PIN4: variants seen among roughly 807,000 people sequenced by gnomAD.
PIN4 encodes the protein peptidylprolyl cis/trans isomerase, NIMA-interacting 4.
Under a neutral mutation model 8.3 loss-of-function variants are expected in PIN4, and 3 were observed. That is an observed-to-expected ratio of 0.36 (90% CI 0.16 to 0.93). PIN4 has a LOEUF of 0.93. Among genes scored for constraint, PIN4 ranks in the 40% least tolerant of loss-of-function variants. The pLI, the probability that PIN4 is intolerant of heterozygous loss-of-function variation, is 0.44. For missense variants in PIN4, 75 were observed against 100.6 expected, an observed-to-expected ratio of 0.75 and a Z score of 1.09; for synonymous variants, 18 against 32.5, an observed-to-expected ratio of 0.55 and a Z score of 1.52.
At position 72,210,063 on chromosome X, in the gene PIN4, G is replaced by C. The variant is rs757025519; in HGVS notation, c.312+13159G>C. 1.0e-4 allele frequency among the ~76,000 whole-genome samples: 11 copies of C among 108,868 alleles called. No individual in the cohort carries two copies. In the East Asian group the frequency reaches 2.3e-3, roughly 23 times the overall value. 94.5% of individuals were successfully genotyped at this position (108,868 alleles called of 115,157 possible). Reference sequence around the variant, plus strand: ...GATGCCGAACACACAAGCAACCAGAGGGGGGGAAGAGATATACAGGGCCGG... The same window carrying C: ...GATGCCGAACACACAAGCAACCAGACGGGGGGAAGAGATATACAGGGCCGG... On this transcript the variant is annotated intron_variant, in intron 3 of 3. Transcript: ENST00000423432.
chrX:72,201,577 C>G (rs944367202), downstream of PIN4, among the ~76,000 whole-genome samples: 12 of 112,185 alleles, frequency 1.1e-4, no homozygotes, highest in Admixed American at 1.1e-3. Flanking sequence ...CCACTGCACT[C>G]CCACCTGGGT....
intron 3 of PIN4, chrX:72,204,776 A>G (rs1350144989): frequency 1.2e-5 from 3 of 242,296 alleles, no homozygotes; most frequent in African/African-American, 8.5e-5. Context: ...TCCAAGAAAC[A>G]ACACAGTTAA....
chrX:72,219,805 C>T (rs775035216), intron 3 of PIN4, among the ~76,000 whole-genome samples: 57 of 106,178 alleles, frequency 5.4e-4, no homozygotes, highest in Middle Eastern at 4.7e-3. Flanking sequence ...GTCAAGGTTG[C>T]GCCACTGCAC....
chrX:72,192,632 CG>C (rs1453464499), intron 2 of PIN4, among the ~76,000 whole-genome samples: 167 of 110,850 alleles, frequency 1.5e-3, no homozygotes, highest in Non-Finnish European at 2.8e-3. Flanking sequence ...TCACACAGGC[CG>C]GGGTGCATGA....
In PIN4 at chrX:72,208,379, C is replaced by T. The variant is rs761082445; in HGVS notation, c.312+11475C>T. ...CCGGAAAGGAAAGCAATGATTTGAACAGTCTTCCCTAATCCCATATCATCA... is the reference window on the plus strand; with the variant it reads ...CCGGAAAGGAAAGCAATGATTTGAATAGTCTTCCCTAATCCCATATCATCA... On this transcript the variant is annotated intron_variant, in intron 3 of 3. Transcript: ENST00000423432. 2.5e-6 allele frequency: 3 copies of T among 1,209,993 alleles called. No individual in the cohort carries two copies. In the East Asian group the frequency reaches 8.9e-5, roughly 36 times the overall value.
intron 3 of PIN4, among the ~76,000 whole-genome samples, chrX:72,250,896 C>T (rs1344200850): frequency 2.8e-5 from 3 of 107,479 alleles, no homozygotes; most frequent in Admixed American, 9.9e-5. Context: ...CCCACCACCA[C>T]GCCTGGCTAA....
intron 2 of PIN4, among the ~76,000 whole-genome samples, chrX:72,186,890 C>T (rs1457869810): frequency 9.0e-6 from 1 of 111,432 alleles, no homozygotes; most frequent in Non-Finnish European, 1.9e-5. Flanking sequence ...TGCACCACTG[C>T]ACTCCAGCCT....
At chrX:72,182,673 G>T in intron 1 of PIN4, among the ~76,000 whole-genome samples, 1 of 111,609 alleles carries the variant, frequency 9.0e-6, no homozygotes, top group East Asian at 2.8e-4. Context: ...AGAAATTGAG[G>T]GAAGTCCTTC....
At chrX:72,242,689 T>G (rs1405858169) in intron 3 of PIN4, among the ~76,000 whole-genome samples, 1 of 112,597 alleles carries the variant, frequency 8.9e-6, no homozygotes, top group Non-Finnish European at 1.9e-5. Context: ...AGGGCTCCCA[T>G]TCCCCCAGCG....
intron 3 of PIN4, among the ~76,000 whole-genome samples, chrX:72,239,970 AAG>A (rs1351622891): frequency 9.3e-6 from 1 of 106,963 alleles, no homozygotes; most frequent in East Asian, 2.9e-4. Context: ...TTTTCTTAAA[AAG>A]AGAGAGAGAA....
intron 3 of PIN4, among the ~76,000 whole-genome samples, chrX:72,233,840 C>A (rs1379653496): frequency 9.2e-6 from 1 of 108,111 alleles, no homozygotes; most frequent in Non-Finnish European, 1.9e-5. Flanking sequence ...TTTGACCGGG[C>A]AAGGGGGCTC....
At chrX:72,244,354 G>T (rs2043059872) in intron 3 of PIN4, among the ~76,000 whole-genome samples, 1 of 111,859 alleles carries the variant, frequency 8.9e-6, no homozygotes, top group Admixed American at 9.5e-5. Flanking sequence ...TGATCTAAGA[G>T]CTGAAGGGTA....
intron 2 of PIN4, among the ~76,000 whole-genome samples, chrX:72,191,877 GT>G (rs1240283680): frequency 5.6e-5 from 6 of 106,557 alleles, no homozygotes; most frequent in East Asian, 2.9e-4. Context: ...TCTTCAACCG[GT>G]TTTTTTTTTC....
intron 3 of PIN4, among the ~76,000 whole-genome samples, chrX:72,255,273 A>AAAT (rs760269851): frequency 0.038 from 3,680 of 96,356 alleles, 90 homozygotes; most frequent in African/African-American, 0.066. Flanking sequence ...CCATCTCTAA[A>AAAT]AATAATAATA....
intron 3 of PIN4, among the ~76,000 whole-genome samples, chrX:72,208,951 C>T (rs1428382830): frequency 9.0e-6 from 1 of 111,608 alleles, no homozygotes; most frequent in East Asian, 2.8e-4. Context: ...TTATTGGTTC[C>T]ACAGTATTTT....
intron 3 of PIN4, among the ~76,000 whole-genome samples, chrX:72,260,142 G>A (rs1278438534): frequency 9.0e-6 from 1 of 111,566 alleles, no homozygotes; most frequent in Non-Finnish European, 1.9e-5. Context: ...GGCTGGGCTG[G>A]GTTAAGAGAG....
At chrX:72,224,381 C>T (rs191701400) in intron 3 of PIN4, among the ~76,000 whole-genome samples, 3 of 111,254 alleles carry the variant, frequency 2.7e-5, no homozygotes, top group Non-Finnish European at 3.8e-5. Flanking sequence ...ATTCATTCAT[C>T]GGCCCTACAT....
At chrX:72,197,312 T>A (rs910848258) in intron 3 of PIN4, 56 bp from the exon 4 acceptor site, 8 of 1,096,421 alleles carry the variant, frequency 7.3e-6, no homozygotes, top group Non-Finnish European at 9.9e-6. Flanking sequence ...CAAGCTACAG[T>A]AGAACTGTTC....
At chrX:72,205,561 C>A (rs1325229102) in intron 3 of PIN4, 1 of 1,211,084 alleles carries the variant, frequency 8.3e-7, no homozygotes, top group East Asian at 3.0e-5. Flanking sequence ...TCCTGGTGGA[C>A]TGATGTCATT....
Sources: gnomAD v4.1 joint callset for allele counts (sites outside exome capture counted in the v4.1 genomes callset) on GRCh38, gnomAD v4.1.1 for gene constraint, MANE v1.5 for transcripts, NCBI Gene and HGNC (gene_info 2026-07-23, HGNC 2026-07-21) for gene names.